CTIF: variants seen among roughly 807,000 people sequenced by gnomAD.
The protein encoded by CTIF is CBP80/20-dependent translation initiation factor.
Under a neutral mutation model 66.0 loss-of-function variants are expected in CTIF, and 21 were observed. That is an observed-to-expected ratio of 0.32 (90% CI 0.23 to 0.46). The LOEUF is 0.46. Ranked by LOEUF, CTIF falls within the 20% of genes least tolerant of loss-of-function variation. The pLI, the probability that CTIF is intolerant of heterozygous loss-of-function variation, is 1.00. For synonymous variants in CTIF, 345 were observed against 326.4 expected (o/e 1.06, Z -0.62); for missense variants, 739 against 812.7 (o/e 0.91, Z 1.10).
intron 1 of CTIF, among the ~76,000 whole-genome samples, chr18:48,570,584 G>A (rs1010843249): frequency 6.6e-6 from 1 of 152,224 alleles, no homozygotes; most frequent in Non-Finnish European, 1.5e-5. Flanking sequence ...GAGTCCCTGG[G>A]GGGTGGGGGG....
chr18:48,681,049 C>G (rs2145144584), intron 6 of CTIF, among the ~76,000 whole-genome samples: 1 of 152,364 alleles, frequency 6.6e-6, no homozygotes. Flanking sequence ...GCGGCCCCCC[C>G]AGGACACACT....
chr18:48,709,964 A>G (rs144983873), intron 6 of CTIF, among the ~76,000 whole-genome samples: 1 of 152,230 alleles, frequency 6.6e-6, no homozygotes, highest in South Asian at 2.1e-4. Flanking sequence ...CACTCAATCC[A>G]GTCCAGGCCA....
intron 1 of CTIF, among the ~76,000 whole-genome samples, chr18:48,559,336 A>ATGAGGTC: frequency 6.6e-6 from 1 of 152,244 alleles, no homozygotes; most frequent in Middle Eastern, 3.4e-3. Flanking sequence ...AGAATGTTAA[A>ATGAGGTC]TGAGGTCTGT....
At chr18:48,779,664 G>C (rs1462038633) in intron 9 of CTIF, among the ~76,000 whole-genome samples, 1 of 152,240 alleles carries the variant, frequency 6.6e-6, no homozygotes, top group Non-Finnish European at 1.5e-5. Context: ...TTAGCAGCGG[G>C]CTTGGGTCTG....
chr18:48,545,027 C>G (rs183420167), intron 1 of CTIF, among the ~76,000 whole-genome samples: 5 of 152,290 alleles, frequency 3.3e-5, no homozygotes. Flanking sequence ...CCTCAGATGT[C>G]AGGGAGGGCT....
At chr18:48,779,765 G>C (rs72913718) in intron 9 of CTIF, among the ~76,000 whole-genome samples, 7,333 of 152,298 alleles carry the variant, frequency 0.048, 197 homozygotes, top group African/African-American at 0.066. Context: ...TCCCAAGGGG[G>C]ACAAGACTTC....
intron 1 of CTIF, among the ~76,000 whole-genome samples, chr18:48,599,560 C>T (rs573919915): frequency 6.6e-6 from 1 of 151,890 alleles, no homozygotes; most frequent in African/African-American, 2.4e-5. Context: ...TGAGCAATCC[C>T]GGGTTATTAC....
At chr18:48,695,789 C>T (rs941628239) in intron 6 of CTIF, among the ~76,000 whole-genome samples, 3 of 152,228 alleles carry the variant, frequency 2.0e-5, no homozygotes, top group Non-Finnish European at 4.4e-5. Context: ...AGGAGACTTT[C>T]TGAACACCTT....
rs755840831 is a variant in CTIF at position 48,862,499 on chromosome 18, C to T, written c.*2940C>T. On this transcript the variant is annotated 3_prime_UTR_variant, in exon 12 of 12. Transcript: ENST00000256413. ...AGCGAGGCCCCCAACCTCACCCAGA[C>T]GAGGCCAGGAGCCCCGCCACCCTCC... 2 of 152,652 alleles carry T rather than the reference C, an allele frequency of 1.3e-5. No individual in the cohort carries two copies. Among genetic ancestry groups the T allele is most frequent in the Non-Finnish European group, 2.9e-5 (2 of 68,078 alleles). 9.5% of individuals were successfully genotyped at this position (152,652 alleles called of 1,614,324 possible).
In CTIF at chr18:48,860,208, G is replaced by T; in HGVS notation, c.*649G>T. 1 of 338,524 alleles carries T rather than the reference G, an allele frequency of 3.0e-6. No individual in the cohort carries two copies. Among genetic ancestry groups the T allele is most frequent in the South Asian group, 2.3e-5 (1 of 43,062 alleles). The allele number at this position is 338,524 out of a possible 1,614,324, so 21.0% of individuals were successfully genotyped here. ...CCTCAGGCCTAGGGGGTCAGGCGCA[G>T]CGGGGGAGATGGAGTTTGCAGTTCC... is the stretch of plus-strand genomic sequence containing the variant. On this transcript the variant is annotated 3_prime_UTR_variant, in exon 12 of 12. Transcript: ENST00000256413.
intron 1 of CTIF, among the ~76,000 whole-genome samples, chr18:48,549,227 G>A (rs1049286928): frequency 1.2e-4 from 18 of 152,166 alleles, no homozygotes; most frequent in East Asian, 5.8e-4. Context: ...CTTAGAGGAC[G>A]TAGGGGAAAG....
At chr18:48,549,610 G>A (rs1811256162) in intron 1 of CTIF, among the ~76,000 whole-genome samples, 1 of 152,196 alleles carries the variant, frequency 6.6e-6, no homozygotes, top group Non-Finnish European at 1.5e-5. Flanking sequence ...CGGGCATCAT[G>A]TTCTCACATA....
intron 1 of CTIF, among the ~76,000 whole-genome samples, chr18:48,541,449 C>T (rs1467286979): frequency 6.6e-6 from 1 of 152,252 alleles, no homozygotes; most frequent in African/African-American, 2.4e-5. Flanking sequence ...GGGCCGCCGG[C>T]TGTCCGTTCC....
chr18:48,808,516 C>CTTTTTTTTTTTTTTTTTTTT (rs34004475), intron 9 of CTIF, among the ~76,000 whole-genome samples: 1 of 135,540 alleles, frequency 7.4e-6, no homozygotes, highest in African/African-American at 2.7e-5. Context: ...ATTTTTGGTC[C>CTTTTTTTTTTTTTTTTTTTT]TTTTTTTTTT....
chr18:48,833,474 C>A (rs919855063), intron 10 of CTIF, among the ~76,000 whole-genome samples: 4 of 152,048 alleles, frequency 2.6e-5, no homozygotes. Flanking sequence ...CTCTAAATGC[C>A]CCCCTGCCCC....
intron 1 of CTIF, among the ~76,000 whole-genome samples, chr18:48,610,393 C>CTGGATGCCCACA (rs1453012942): frequency 1.8e-5 from 2 of 112,312 alleles, no homozygotes; most frequent in East Asian, 2.0e-4. Flanking sequence ...GGATGCCCAC[C>CTGGATGCCCACA]TGGATGCCCA....
chr18:48,660,343 G>C (rs2091322350), intron 3 of CTIF, among the ~76,000 whole-genome samples: 1 of 152,168 alleles, frequency 6.6e-6, no homozygotes, highest in East Asian at 1.9e-4. Context: ...CTGGGCCATG[G>C]TCCCTCTCCC....
intron 8 of CTIF, among the ~76,000 whole-genome samples, chr18:48,759,650 A>G (rs1378051879): frequency 1.3e-5 from 2 of 152,226 alleles, no homozygotes; most frequent in Non-Finnish European, 2.9e-5. Flanking sequence ...CATCTGTAAA[A>G]TGGGTGTTAA....
At chr18:48,789,518 C>T (rs1402020174) in intron 9 of CTIF, among the ~76,000 whole-genome samples, 1 of 152,212 alleles carries the variant, frequency 6.6e-6, no homozygotes, top group Non-Finnish European at 1.5e-5. Context: ...CAGGTGTGCA[C>T]TAATATTATA....
Sources: gnomAD v4.1 joint callset for allele counts (sites outside exome capture counted in the v4.1 genomes callset) on GRCh38, gnomAD v4.1.1 for gene constraint, MANE v1.5 for transcripts, NCBI Gene and HGNC (gene_info 2026-07-23, HGNC 2026-07-21) for gene names.